The following OXER1 variants were observed in gnomAD, a reference collection of about 807,000 sequenced individuals.
OXER1 encodes 5-oxo-ETE G-protein coupled receptor.
For missense variants in OXER1, 587 were observed against 551.7 expected (o/e 1.06, Z -0.64); for synonymous variants, 258 against 245.8 (o/e 1.05, Z -0.47).
In OXER1 at chr2:42,763,754, G is replaced by C. The variant is rs766993089; in HGVS notation, c.426C>G (p.Ile142Met). ...AGTCCACGCGGAGGGGCAGGTTGCTGATCAGGAGGAAGTCAGCGGCCACCA... is the reference window on the plus strand; with the variant it reads ...AGTCCACGCGGAGGGGCAGGTTGCTCATCAGGAGGAAGTCAGCGGCCACCA... Residue 142 changes from isoleucine (I) to methionine (M), a missense_variant, in exon 1 of 1, where the codon ATC (isoleucine) becomes ATG (methionine). Transcript: ENST00000378661. The surrounding 1 kb of genome is among the most constrained non-coding windows in gnomAD (Gnocchi z 4.4). 4.3e-6 allele frequency: 7 copies of C among 1,614,126 alleles called. No individual in the cohort carries two copies. Among genetic ancestry groups the C allele is most frequent in the Non-Finnish European group, 5.1e-6 (6 of 1,180,034 alleles).
chr2:42,764,105 T>C, exon 1 of OXER1: 1 of 1,614,024 alleles, frequency 6.2e-7, no homozygotes, highest in East Asian at 2.2e-5. Context: ...TCTGGAGTCT[T>C]CTACCCCTGC....
chr2:42,763,737 C>A lies in OXER1; in HGVS notation c.443G>T (p.Arg148Leu), dbSNP rs747255379. 1 of 1,613,942 alleles carries A rather than the reference C, an allele frequency of 6.2e-7. No individual in the cohort carries two copies. Among genetic ancestry groups the A allele is most frequent in the African/African-American group, 1.3e-5 (1 of 74,894 alleles). Residue 148 changes from arginine (R) to leucine (L), a missense_variant, in exon 1 of 1, where the codon CGC (arginine) becomes CTC (leucine). Transcript: ENST00000378661. This position sits in a 1 kb window ranked among gnomAD's most constrained non-coding sequence, Gnocchi z 4.4. ...CTCATGGAGGAGGTAGTAGTCCACG[C>A]GGAGGGGCAGGTTGCTGATCAGGAG...
exon 1 of OXER1, chr2:42,762,661 GCCT>G: frequency 4.2e-5 from 22 of 519,978 alleles, no homozygotes; most frequent in South Asian, 1.9e-4. Context: ...ACGGCACCTT[GCCT>G]GTCTCCTCCA....
chr2:42,763,758 AGGAG>A, the OXER1 span: 1 of 1,614,118 alleles, frequency 6.2e-7, no homozygotes, highest in Non-Finnish European at 8.5e-7. The surrounding 1 kb of genome is among the most constrained non-coding windows in gnomAD (Gnocchi z 4.4). Context: ...GTTGCTGATC[AGGAG>A]GAAGTCAGCG....
chr2:42,763,434 G>C lies in OXER1; in HGVS notation c.746C>G (p.Ser249Trp), dbSNP rs201720239. ...GTACAGTGCCTGGTGCCAGCGGAGC[G>C]AGGCCGAGGGCTTCGTGCCCACCCT... The change falls in exon 1 of 1, where the codon TCG becomes TGG. Residue 249 changes from serine to tryptophan, a missense_variant. Transcript: ENST00000378661. The surrounding 1 kb of genome is among the most constrained non-coding windows in gnomAD (Gnocchi z 4.4). 1 of 1,576,070 alleles carries C rather than the reference G, an allele frequency of 6.3e-7. No homozygotes were observed. Among genetic ancestry groups the C allele is most frequent in the Non-Finnish European group, 8.6e-7 (1 of 1,161,116 alleles).
rs1174347314 is a variant in OXER1, at chr2:42,763,736, G to T, written c.444C>A (p.Arg148=). ...TCTCATGGAGGAGGTAGTAGTCCAC[G>T]CGGAGGGGCAGGTTGCTGATCAGGA... is the stretch of plus-strand genomic sequence containing the variant. Residue 148 remains arginine (R), a synonymous_variant, in exon 1 of 1, where the codon CGC becomes CGA. Transcript: ENST00000378661. This position sits in a 1 kb window ranked among gnomAD's most constrained non-coding sequence, Gnocchi z 4.4. 1 of 1,614,146 alleles carries T rather than the reference G, an allele frequency of 6.2e-7. No individual in the cohort carries two copies. The highest frequency in any genetic ancestry group is 2.2e-5 in the East Asian group (1 of 44,882).
rs760663064 is a variant in OXER1 at position 42,763,397 on chromosome 2, G to A, written c.783C>T (p.Phe261=). The A allele has an allele frequency of 6.3e-7, 1 of 1,598,144 alleles. No individual in the cohort carries two copies. Among genetic ancestry groups the A allele is most frequent in the Non-Finnish European group, 8.5e-7 (1 of 1,172,938 alleles). ...AGAGGATGAGCGCCAGTGGCAGGAA[G>A]AACTCCAGCAGGTACAGTGCCTGGT... is the stretch of plus-strand genomic sequence containing the variant. Residue 261 remains phenylalanine (F), a synonymous_variant, in exon 1 of 1, where the codon TTC becomes TTT. Transcript: ENST00000378661. This position sits in a 1 kb window ranked among gnomAD's most constrained non-coding sequence, Gnocchi z 4.4.
the OXER1 span, chr2:42,763,520 GATGCCCA>G: frequency 6.4e-7 from 1 of 1,555,732 alleles, no homozygotes; most frequent in Non-Finnish European, 8.7e-7. This position sits in a 1 kb window ranked among gnomAD's most constrained non-coding sequence, Gnocchi z 4.4. Context: ...TGAGGAGCAG[GATGCCCA>G]CCCAGAGTCC....
exon 1 of OXER1, chr2:42,764,094 T>G (rs745414149): frequency 1.2e-6 from 2 of 1,613,986 alleles, no homozygotes; most frequent in Non-Finnish European, 1.7e-6. Context: ...TGAGAGAAGG[T>G]TCTGGAGTCT....
Position 42,763,282 on chromosome 2 carries a change from C to A in OXER1, c.898G>T (p.Val300Leu). 6.2e-7 allele frequency: 1 copy of A among 1,613,134 alleles called. No individual in the cohort carries two copies. The highest frequency in any genetic ancestry group is 8.5e-7 in the Non-Finnish European group (1 of 1,179,792). ...AAGCAGATGGTGTAGACGGCCACCA[C>A]CATGGCCAGCACACGCATGGCCCTC... is the stretch of plus-strand genomic sequence containing the variant. The change falls in exon 1 of 1, where the codon GTG (valine) becomes TTG (leucine). Residue 300 changes from valine (V) to leucine (L), a missense_variant. Val to Leu is a conservative substitution (Grantham distance 32, BLOSUM62 1). Transcript: ENST00000378661. The surrounding 1 kb of genome is among the most constrained non-coding windows in gnomAD (Gnocchi z 4.4).
Position 42,763,260 on chromosome 2 carries a change from C to T in OXER1, c.920G>A (p.Cys307Tyr), listed in dbSNP as rs2104625923. 6.2e-7 allele frequency: 1 copy of T among 1,612,746 alleles called. No homozygotes were observed. The change falls in exon 1 of 1, where the codon TGC (cysteine) becomes TAC (tyrosine). Residue 307 changes from cysteine to tyrosine, a missense_variant. Coordinates refer to ENST00000378661, the Ensembl canonical transcript of OXER1. This position sits in a 1 kb window ranked among gnomAD's most constrained non-coding sequence, Gnocchi z 4.4. ...GCCAAAGATGATGCTGGGCAAGAAG[C>T]AGATGGTGTAGACGGCCACCACCAT...
chr2:42,762,937 G>C, exon 1 of OXER1: 1 of 1,613,240 alleles, frequency 6.2e-7, no homozygotes, highest in Non-Finnish European at 8.5e-7. Flanking sequence ...TCCTTTTCCA[G>C]AGAGACCTCG....
exon 1 of OXER1, chr2:42,764,070 T>C: frequency 6.2e-7 from 1 of 1,614,062 alleles, no homozygotes; most frequent in Non-Finnish European, 8.5e-7. Context: ...CATGGGCTGC[T>C]TGGGCCATGG....
At position 42,763,981 on chromosome 2, in the gene OXER1, A is replaced by G. The variant is rs755443809; in HGVS notation, c.199T>C (p.Ser67Pro). 1 of 1,613,384 alleles carries G rather than the reference A, an allele frequency of 6.2e-7. No individual in the cohort carries two copies. ...ACAGTGGTAAAGGCAGAGGGAGCAG[A>G]GGAGGGTGAGGGAGAGAAGGAGGGA... Residue 67 changes from serine (S) to proline (P), a missense_variant, in exon 1 of 1, where the codon TCT becomes CCT. By Grantham distance (74) the Ser-to-Pro change is moderately conservative. Transcript: ENST00000378661. This position sits in a 1 kb window ranked among gnomAD's most constrained non-coding sequence, Gnocchi z 4.4.
rs547799865 is a variant in OXER1, at chr2:42,763,067, G to A, written c.1113C>T (p.Gly371=). ...CTGGGCCCTGCCGGCCCCGCGTGAG[G>A]CCCAGCAAGGCCCGGCTCTGGTGGA... Residue 371 remains glycine, a synonymous_variant, in exon 1 of 1, where the codon GGC becomes GGT. Coordinates refer to ENST00000378661, the Ensembl canonical transcript of OXER1. The surrounding 1 kb of genome is among the most constrained non-coding windows in gnomAD (Gnocchi z 4.4). 1 of 1,614,134 alleles carries A rather than the reference G, an allele frequency of 6.2e-7. No individual in the cohort carries two copies.
chr2:42,763,243 T>C lies in OXER1; in HGVS notation c.937A>G (p.Ile313Val). ...GCCACCATGGAAGCCATGCCAAAGATGATGCTGGGCAAGAAGCAGATGGTG... is the reference window on the plus strand; with the variant it reads ...GCCACCATGGAAGCCATGCCAAAGACGATGCTGGGCAAGAAGCAGATGGTG... The change falls in exon 1 of 1, where the codon ATC becomes GTC. Residue 313 changes from isoleucine (I) to valine (V), a missense_variant. Coordinates refer to ENST00000378661, the Ensembl canonical transcript of OXER1. This position sits in a 1 kb window ranked among gnomAD's most constrained non-coding sequence, Gnocchi z 4.4. The C allele has an allele frequency of 6.2e-7, 1 of 1,612,118 alleles. No individual in the cohort carries two copies. The highest frequency in any genetic ancestry group is 8.5e-7 in the Non-Finnish European group (1 of 1,179,294).
At position 42,763,992 on chromosome 2, in the gene OXER1, G is replaced by A; in HGVS notation, c.188C>T (p.Pro63Leu). ...GGCAGAGGGAGCAGAGGAGGGTGAG[G>A]GAGAGAAGGAGGGAGGGAGAACAGA... Residue 63 changes from proline (P) to leucine (L), a missense_variant, in exon 1 of 1, where the codon CCC becomes CTC. Physicochemically the swap from Pro to Leu is moderately conservative, Grantham distance 98. Transcript: ENST00000378661. This position sits in a 1 kb window ranked among gnomAD's most constrained non-coding sequence, Gnocchi z 4.4. The A allele has an allele frequency of 6.2e-7, 1 of 1,613,806 alleles. No homozygotes were observed. Among genetic ancestry groups the A allele is most frequent in the Non-Finnish European group, 8.5e-7 (1 of 1,179,938 alleles).
chr2:42,762,621 G>C (rs988263046), exon 1 of OXER1: 3 of 455,716 alleles, frequency 6.6e-6, no homozygotes, highest in Non-Finnish European at 1.2e-5. Context: ...CCCTGCAGCT[G>C]CGCAGGCCCC....
At chr2:42,763,407 AG>A in the OXER1 span, 1 of 1,594,432 alleles carries the variant, frequency 6.3e-7, no homozygotes, top group Non-Finnish European at 8.5e-7. The surrounding 1 kb of genome is among the most constrained non-coding windows in gnomAD (Gnocchi z 4.4). Flanking sequence ...GAACTCCAGC[AG>A]GTACAGTGCC....
Sources: gnomAD v4.1 joint callset for allele counts on GRCh38, gnomAD v4.1.1 for gene constraint, Gnocchi (gnomAD v3.1) non-coding constraint, MANE v1.5 for transcripts, NCBI Gene and HGNC (gene_info 2026-07-23, HGNC 2026-07-21) for gene names.